Variants in VRK3 observed in about 807,000 individuals in gnomAD.
VRK3 encodes the protein VRK serine/threonine kinase 3, also known as serine/threonine-protein kinase VRK3.
A neutral mutation model predicts 60.4 loss-of-function variants in VRK3; 50 were observed. The ratio of observed to expected loss-of-function variants is 0.83; its 90% confidence interval spans 0.66 to 1.05. The LOEUF is 1.05. Among genes scored for constraint, VRK3 ranks in the 50% least tolerant of loss-of-function variants. The probability of loss-of-function intolerance (pLI) is 0.00; values close to 1 mark genes in which losing one functional copy is unlikely to be tolerated. For synonymous variants in VRK3, 246 were observed against 227.8 expected, an observed-to-expected ratio of 1.08 and a Z score of -0.72; for missense variants, 549 against 585.3, an observed-to-expected ratio of 0.94 and a Z score of 0.64.
In VRK3 at chr19:49,981,090, T is replaced by C. The variant is rs16981620; in HGVS notation, c.1218-77A>G. 17,435 of 1,127,300 alleles carry C rather than the reference T, an allele frequency of 0.015. 1,317 individuals are homozygous for C. In the African/African-American group the frequency reaches 0.23, roughly 15 times the overall value. The allele number at this position is 1,127,300 out of a possible 1,614,324, so 69.8% of individuals were successfully genotyped here. A position where few individuals can be genotyped will look rare whatever the true frequency, so the allele number is the denominator to read the frequency against. Reference sequence around the variant, plus strand: ...CTTTTAAAACAGAATGCCTAAGATATATACACAGCCTAAGATATATACACA... The same window carrying C: ...CTTTTAAAACAGAATGCCTAAGATACATACACAGCCTAAGATATATACACA... On this transcript the variant is annotated intron_variant, in intron 12 of 14. Coordinates refer to ENST00000316763, the MANE Select transcript of VRK3 (RefSeq NM_016440.4).
chr19:50,002,374 C>T (rs1234198362), intron 5 of VRK3, among the ~76,000 whole-genome samples: 6 of 152,032 alleles, frequency 3.9e-5, no homozygotes, highest in Non-Finnish European at 8.8e-5. Context: ...GCAGGACCCG[C>T]ATCTCGGGGA....
At position 50,013,701 on chromosome 19, in the gene VRK3, T is replaced by C. The variant is rs1056541296; in HGVS notation, c.139+2323A>G. Reference sequence around the variant, plus strand: ...GTCAGTAAGATTTCTCAGCACCCAATACCATGCCAGGCACAGACCCAGGTG... The same window carrying C: ...GTCAGTAAGATTTCTCAGCACCCAACACCATGCCAGGCACAGACCCAGGTG... On this transcript the variant is annotated intron_variant, in intron 3 of 14. Coordinates refer to ENST00000316763, the MANE Select transcript of VRK3 (RefSeq NM_016440.4). Among the ~76,000 whole-genome samples the C allele has an allele frequency of 2.0e-5, 3 of 152,260 alleles. 1 individual carries two copies. The highest frequency in any genetic ancestry group is 4.1e-4 in the South Asian group (2 of 4,828).
intron 2 of VRK3, among the ~76,000 whole-genome samples, chr19:50,018,235 G>A (rs1463211612): frequency 6.6e-6 from 1 of 152,218 alleles, no homozygotes; most frequent in Admixed American, 6.5e-5. Context: ...ACAGGGCCTG[G>A]CCCATAGAAA....
At chr19:50,023,738 GT>G (rs59567658) in intron 1 of VRK3, among the ~76,000 whole-genome samples, 33,285 of 137,582 alleles carry the variant, frequency 0.24, 3,745 homozygotes, top group East Asian at 0.43. Context: ...AAGAAGGTGG[GT>G]GGGGGGGGTC....
chr19:49,989,610 C>A (rs776672253), intron 11 of VRK3, 29 bp downstream of exon 11: 15 of 1,575,030 alleles, frequency 9.5e-6, no homozygotes, highest in Admixed American at 1.8e-5. Flanking sequence ...CATCTCTCTG[C>A]GGTCCCAAAC....
chr19:49,988,505 G>A lies in VRK3; in HGVS notation c.1097-13C>T. 1 of 1,611,232 alleles carries A rather than the reference G, an allele frequency of 6.2e-7. No homozygotes were observed. The highest frequency in any genetic ancestry group is 8.5e-7 in the Non-Finnish European group (1 of 1,178,700). On this transcript the variant is annotated splice_polypyrimidine_tract_variant and intron_variant, in intron 11 of 14. Transcript: ENST00000316763. ...CGGCGGGAGGGCCCTGGGGAAGGAG[G>A]AGTAAAGGTGGCAGCTCAAGTCTGG... is the stretch of plus-strand genomic sequence containing the variant.
Position 50,016,442 on chromosome 19 carries a change from T to C in VRK3, c.-1-279A>G, listed in dbSNP as rs573303527. 2.6e-5 allele frequency among the ~76,000 whole-genome samples: 4 copies of C among 152,348 alleles called. No homozygotes were observed. In the South Asian group the frequency reaches 8.3e-4, roughly 32 times the overall value. On this transcript the variant is annotated intron_variant, in intron 2 of 14. Transcript: ENST00000316763. Reference sequence around the variant, plus strand: ...CCAATGGGGTGTGAGTAGAGTCATCTCATGGCCGAGGCAGTTAGGAGTCAG... The same window carrying C: ...CCAATGGGGTGTGAGTAGAGTCATCCCATGGCCGAGGCAGTTAGGAGTCAG...
rs2076677481 is a variant in VRK3, at chr19:49,995,026, G to A, written c.765-107C>T. 9 of 1,286,656 alleles carry A rather than the reference G, an allele frequency of 7.0e-6. 1 individual carries two copies. Among genetic ancestry groups the A allele is most frequent in the African/African-American group, 5.9e-5 (4 of 67,372 alleles). 79.7% of individuals were successfully genotyped at this position (1,286,656 alleles called of 1,614,324 possible). A position where few individuals can be genotyped will look rare whatever the true frequency, so the allele number is the denominator to read the frequency against. On this transcript the variant is annotated intron_variant, in intron 8 of 14. Coordinates refer to ENST00000316763, the MANE Select transcript of VRK3 (RefSeq NM_016440.4). Reference sequence around the variant, plus strand: ...GGGCTGCAAGGTCCTGGTCCCAGGTGAGATCAAAGGTTCTGACTGGCTGGG... The same window carrying A: ...GGGCTGCAAGGTCCTGGTCCCAGGTAAGATCAAAGGTTCTGACTGGCTGGG...
intron 12 of VRK3, among the ~76,000 whole-genome samples, chr19:49,983,760 C>T (rs902093977): frequency 2.2e-4 from 34 of 152,304 alleles, no homozygotes; most frequent in Admixed American, 9.8e-4. Context: ...ACCAGTAAAC[C>T]GTCCTAGCGC....
intron 2 of VRK3, 66 bp from the exon 3 acceptor site, chr19:50,016,229 G>A: frequency 6.3e-7 from 1 of 1,595,870 alleles, no homozygotes; most frequent in Non-Finnish European, 8.5e-7. Context: ...AAGTATTGTT[G>A]AACTGCTCTT....
chr19:49,982,227 A>G, intron 12 of VRK3: 1 of 702,870 alleles, frequency 1.4e-6, no homozygotes, highest in Admixed American at 2.0e-5. Context: ...CATGACCAAC[A>G]GCACCGTAGC....
At chr19:49,987,958 T>G (rs1296219903) in intron 12 of VRK3, 1 of 157,664 alleles carries the variant, frequency 6.3e-6, no homozygotes, top group African/African-American at 2.4e-5. Flanking sequence ...CGCCTCTGCC[T>G]CCCAAAGTGC....
chr19:49,986,559 C>T (rs563831173), intron 12 of VRK3: 1 of 152,828 alleles, frequency 6.5e-6, no homozygotes, highest in East Asian at 1.9e-4. Flanking sequence ...GTGAACACAT[C>T]AGAACACATG....
At chr19:49,990,899 C>G (rs2076599467) in intron 10 of VRK3, among the ~76,000 whole-genome samples, 1 of 152,078 alleles carries the variant, frequency 6.6e-6, no homozygotes, top group African/African-American at 2.4e-5. Context: ...ATCCTTCTAC[C>G]TCAGCCTCCT....
intron 2 of VRK3, among the ~76,000 whole-genome samples, chr19:50,018,824 A>C (rs2077116614): frequency 6.6e-6 from 1 of 152,168 alleles, no homozygotes; most frequent in Admixed American, 6.5e-5. Flanking sequence ...AATTGCCTAG[A>C]TGTACCCAAT....
chr19:50,024,008 T>C (rs2077216859), intron 1 of VRK3, among the ~76,000 whole-genome samples: 1 of 152,208 alleles, frequency 6.6e-6, no homozygotes, highest in Non-Finnish European at 1.5e-5. Flanking sequence ...CGACCTCAGC[T>C]CACTTGCAAC....
intron 6 of VRK3, chr19:50,000,551 A>G: frequency 1.8e-6 from 1 of 564,214 alleles, no homozygotes; most frequent in Non-Finnish European, 3.2e-6. Flanking sequence ...GGGCTTGCCC[A>G]GGTCACACAG....
chr19:50,002,009 C>T (rs2076815318), intron 5 of VRK3, among the ~76,000 whole-genome samples: 1 of 152,152 alleles, frequency 6.6e-6, no homozygotes, highest in East Asian at 1.9e-4. Flanking sequence ...CAGGATTGCT[C>T]CACAGGTGGT....
intron 5 of VRK3, among the ~76,000 whole-genome samples, chr19:50,004,623 CA>C: frequency 6.6e-6 from 1 of 152,214 alleles, no homozygotes; most frequent in East Asian, 1.9e-4. Context: ...AGAGAGTTCC[CA>C]AAGTGTCTGG....
Sources: allele counts gnomAD v4.1 joint callset (sites outside exome capture counted in the v4.1 genomes callset), GRCh38; gene constraint gnomAD v4.1.1; transcripts MANE v1.5; gene names NCBI Gene and HGNC (gene_info 2026-07-23, HGNC 2026-07-21).